Variants in CTNNA2 observed in about 807,000 individuals in gnomAD.
The protein encoded by CTNNA2 is catenin alpha 2, also known as catenin alpha-2.
CTNNA2 carries 42 observed loss-of-function variants against 101.0 expected under a neutral mutation model. The ratio of observed to expected loss-of-function variants is 0.42; its 90% CI spans 0.32 to 0.54. The LOEUF (loss-of-function observed/expected upper bound fraction) is 0.54. Among genes scored for constraint, CTNNA2 ranks in the 20% least tolerant of loss-of-function variants. CTNNA2 has a pLI of 0.14. For missense variants in CTNNA2, 871 were observed against 1,223.1 expected (o/e 0.71, Z 4.29); for synonymous variants, 450 against 456.4 (o/e 0.99, Z 0.18).
intron 7 of CTNNA2, among the ~76,000 whole-genome samples, chr2:79,995,972 C>G (rs1479394078): frequency 2.0e-5 from 3 of 152,112 alleles, no homozygotes; most frequent in Admixed American, 2.0e-4. Flanking sequence ...CCATGCCCAA[C>G]CCTCTTGGAA....
intron 3 of CTNNA2, among the ~76,000 whole-genome samples, chr2:79,835,687 T>TGTTTGTTTG (rs1558565819): frequency 6.7e-5 from 9 of 134,856 alleles, no homozygotes; most frequent in Admixed American, 2.4e-4. Context: ...TTTTTTTTTT[T>TGTTTGTTTG]TTTTTTTTTT....
chr2:79,781,063 A>G (rs1674384906), intron 3 of CTNNA2, among the ~76,000 whole-genome samples: 1 of 152,170 alleles, frequency 6.6e-6, no homozygotes, highest in Non-Finnish European at 1.5e-5. Context: ...TTAGAAAAGT[A>G]AAGGAATAAA....
chr2:79,893,782 A>G (rs1684467478), intron 6 of CTNNA2, among the ~76,000 whole-genome samples: 1 of 152,164 alleles, frequency 6.6e-6, no homozygotes, highest in South Asian at 2.1e-4. Context: ...AGATATTTTA[A>G]GTCAATTATG....
intron 8 of CTNNA2, among the ~76,000 whole-genome samples, chr2:80,414,886 C>T (rs1294678829): frequency 6.6e-6 from 1 of 152,124 alleles, no homozygotes; most frequent in Admixed American, 6.6e-5. Context: ...AGACATCTTA[C>T]TAAAATGCAG....
At chr2:80,381,847 TTC>T (rs1200301748) in intron 7 of CTNNA2, among the ~76,000 whole-genome samples, 1 of 152,198 alleles carries the variant, frequency 6.6e-6, no homozygotes, top group East Asian at 1.9e-4. Flanking sequence ...ATCGAATCTA[TTC>T]TCTTTCAGTT....
At chr2:80,161,216 A>G (rs1030079874) in intron 7 of CTNNA2, among the ~76,000 whole-genome samples, 2 of 152,132 alleles carry the variant, frequency 1.3e-5, no homozygotes, top group Non-Finnish European at 2.9e-5. Context: ...GGGTTTCACC[A>G]TGTTGGCCAG....
intron 1 of CTNNA2, among the ~76,000 whole-genome samples, chr2:79,524,216 G>T (rs186655848): frequency 1.3e-5 from 2 of 151,818 alleles, no homozygotes; most frequent in Non-Finnish European, 2.9e-5. Context: ...CCATTGGCAG[G>T]TCTCTTTATT....
chr2:79,888,891 C>T (rs1482215582), intron 6 of CTNNA2, among the ~76,000 whole-genome samples: 1 of 152,056 alleles, frequency 6.6e-6, no homozygotes, highest in African/African-American at 2.4e-5. Flanking sequence ...TGTCACTTAT[C>T]TATTAGTTAT....
chr2:80,021,315 C>T (rs758361219), intron 7 of CTNNA2, among the ~76,000 whole-genome samples: 106 of 152,180 alleles, frequency 7.0e-4, no homozygotes, highest in Middle Eastern at 3.4e-3. Context: ...CCACCACGCC[C>T]GGACTAATCC....
intron 7 of CTNNA2, among the ~76,000 whole-genome samples, chr2:80,166,434 G>A (rs1311145802): frequency 2.0e-5 from 3 of 152,122 alleles, no homozygotes; most frequent in Non-Finnish European, 2.9e-5. Flanking sequence ...TGGGGTCAGA[G>A]AGCTGCTGGG....
chr2:80,178,898 T>C (rs1705576301), intron 7 of CTNNA2, among the ~76,000 whole-genome samples: 1 of 152,198 alleles, frequency 6.6e-6, no homozygotes, highest in African/African-American at 2.4e-5. Flanking sequence ...GGCACACAAA[T>C]GTCTCAACAA....
chr2:80,630,244 T>TACTTTTTACAA (rs1373743066), intron 18 of CTNNA2, among the ~76,000 whole-genome samples: 1 of 152,230 alleles, frequency 6.6e-6, no homozygotes, highest in Non-Finnish European at 1.5e-5. Context: ...TTTCACTTCT[T>TACTTTTTACAA]ACTTTTTACA....
intron 4 of CTNNA2, among the ~76,000 whole-genome samples, chr2:79,382,007 A>C (rs1003048205): frequency 1.3e-5 from 2 of 152,184 alleles, no homozygotes; most frequent in South Asian, 2.1e-4. Flanking sequence ...ATTTCTGTAA[A>C]GGTGTTTCTG....
intron 9 of CTNNA2, among the ~76,000 whole-genome samples, chr2:80,515,167 C>CTTT (rs1559172846): frequency 1.4e-4 from 20 of 144,116 alleles, no homozygotes; most frequent in East Asian, 5.9e-4. Flanking sequence ...TTTTTTTTTC[C>CTTT]CCCTTGGAAA....
intron 7 of CTNNA2, among the ~76,000 whole-genome samples, chr2:80,025,361 C>A (rs1434008719): frequency 1.3e-5 from 2 of 152,118 alleles, no homozygotes; most frequent in African/African-American, 4.8e-5. Context: ...GATGAGAGCA[C>A]CTGCTAGATG....
intron 3 of CTNNA2, among the ~76,000 whole-genome samples, chr2:79,841,106 G>C (rs1481434610): frequency 6.6e-6 from 1 of 152,256 alleles, no homozygotes; most frequent in East Asian, 1.9e-4. Flanking sequence ...ATGCATGTAA[G>C]CATGTTTGGA....
At chr2:79,672,708 CTTT>C (rs768344475) in intron 2 of CTNNA2, among the ~76,000 whole-genome samples, 3 of 134,324 alleles carry the variant, frequency 2.2e-5, no homozygotes. Flanking sequence ...TTTCTTTTTT[CTTT>C]TTTTTTTTTT....
chr2:79,364,436 C>T (rs1388667604), intron 3 of CTNNA2, among the ~76,000 whole-genome samples: 3 of 152,164 alleles, frequency 2.0e-5, no homozygotes, highest in Non-Finnish European at 2.9e-5. Flanking sequence ...TTATAGGGTT[C>T]TGCGAAAATC....
chr2:80,167,343 T>A (rs1704768454), intron 7 of CTNNA2, among the ~76,000 whole-genome samples: 1 of 152,186 alleles, frequency 6.6e-6, no homozygotes, highest in Non-Finnish European at 1.5e-5. Flanking sequence ...ATATACAAGG[T>A]TATTTTATCA....
Sources: gnomAD v4.1 joint callset for allele counts (sites outside exome capture counted in the v4.1 genomes callset) on GRCh38, gnomAD v4.1.1 for gene constraint, MANE v1.5 for transcripts, NCBI Gene and HGNC (gene_info 2026-07-23, HGNC 2026-07-21) for gene names.